The following REPS2 variants were observed in gnomAD, a reference collection of about 807,000 sequenced individuals.
REPS2 encodes the protein RALBP1 associated Eps domain containing 2.
A neutral mutation model predicts 53.6 loss-of-function variants in REPS2; 23 were observed. The ratio of observed to expected loss-of-function variants is 0.43; its 90% confidence interval spans 0.31 to 0.61. REPS2 has a LOEUF of 0.61. Among genes scored for constraint, REPS2 ranks in the 20% least tolerant of loss-of-function variants. The probability of loss-of-function intolerance (pLI) is 0.11; values close to 1 mark genes in which losing one functional copy is unlikely to be tolerated. For synonymous variants in REPS2, 238 were observed against 218.6 expected (o/e 1.09, Z -0.78); for missense variants, 446 against 534.9 (o/e 0.83, Z 1.64).
intron 12 of REPS2, 118 bp downstream of exon 12, chrX:17,074,277 G>T (rs1275149863): frequency 1.5e-6 from 1 of 660,402 alleles, no homozygotes; most frequent in Non-Finnish European, 2.4e-6. Flanking sequence ...TAAAGCTTAG[G>T]ATATGAGCCA....
intron 1 of REPS2, among the ~76,000 whole-genome samples, chrX:16,973,974 CTG>C (rs760222920): frequency 1.7e-3 from 190 of 111,254 alleles, no homozygotes; most frequent in Non-Finnish European, 2.9e-3. Flanking sequence ...CTTTCACTAA[CTG>C]GATTACAGCA....
intron 14 of REPS2, among the ~76,000 whole-genome samples, chrX:17,117,948 CTTTTTTTTTTTTTT>C (rs145872769): frequency 3.2e-4 from 10 of 31,007 alleles, no homozygotes; most frequent in East Asian, 1.8e-3. Flanking sequence ...TGTTTCCTGA[CTTTTTTTTTTTTTT>C]TTTTTTTTTT....
chrX:16,947,128 G>A lies in REPS2; in HGVS notation c.267G>A (p.Leu89=). ...FRASQLPAET[L]HQITELCGAK... is the part of the protein sequence containing the mutation. ...CATCGCAGCTGCCCGCCGAGACGCTGCACCAGGTGGGTCCCTCCGCCTCCT... is the reference window on the plus strand; with the variant it reads ...CATCGCAGCTGCCCGCCGAGACGCTACACCAGGTGGGTCCCTCCGCCTCCT... Residue 89 remains leucine, a synonymous_variant, in exon 1 of 18, where the codon CTG becomes CTA. Transcript: ENST00000357277. 4.6e-6 allele frequency: 5 copies of A among 1,085,469 alleles called. No individual in the cohort carries two copies. Among genetic ancestry groups the A allele is most frequent in the Non-Finnish European group, 6.0e-6 (5 of 838,045 alleles). The allele number at this position is 1,085,469 out of a possible 1,213,427, so 89.5% of individuals were successfully genotyped here.
intron 2 of REPS2, among the ~76,000 whole-genome samples, chrX:17,010,142 G>A (rs189738859): frequency 9.0e-6 from 1 of 111,713 alleles, no homozygotes; most frequent in East Asian, 2.8e-4. Flanking sequence ...CCAGCATATG[G>A]TAAAACTGGC....
At chrX:17,071,811 G>A (rs971141374) in intron 11 of REPS2, among the ~76,000 whole-genome samples, 1 of 111,858 alleles carries the variant, frequency 8.9e-6, no homozygotes, top group Admixed American at 9.4e-5. Flanking sequence ...GACATGCCTT[G>A]AGTGTTCTAG....
chrX:17,022,723 C>G (rs766834112), intron 3 of REPS2, among the ~76,000 whole-genome samples: 2 of 112,228 alleles, frequency 1.8e-5, no homozygotes, highest in South Asian at 7.4e-4. Flanking sequence ...CTTGGAAATT[C>G]GTAGTGCACA....
At chrX:17,165,354 T>C in the REPS2 span, among the ~76,000 whole-genome samples, 1 of 112,051 alleles carries the variant, frequency 8.9e-6, no homozygotes, top group Non-Finnish European at 1.9e-5. Flanking sequence ...GGGTGGCTTC[T>C]GGCTGCTTTG....
intron 8 of REPS2, among the ~76,000 whole-genome samples, chrX:17,061,306 G>A (rs1221081563): frequency 8.9e-6 from 1 of 112,007 alleles, no homozygotes; most frequent in Non-Finnish European, 1.9e-5. Flanking sequence ...AGGTAGGTAG[G>A]TAGATACAAA....
intron 5 of REPS2, among the ~76,000 whole-genome samples, chrX:17,033,402 A>G (rs1328974770): frequency 8.9e-6 from 1 of 111,812 alleles, no homozygotes; most frequent in Non-Finnish European, 1.9e-5. Flanking sequence ...ATGACCACAT[A>G]GCACCATCTG....
chrX:17,098,503 T>C (rs1386787814), intron 13 of REPS2, among the ~76,000 whole-genome samples: 1 of 112,228 alleles, frequency 8.9e-6, no homozygotes, highest in Admixed American at 9.5e-5. Flanking sequence ...TTTTACAATG[T>C]AGCTCTAGAT....
chrX:17,006,485 C>A, intron 2 of REPS2, 141 bp downstream of exon 2: 2 of 557,463 alleles, frequency 3.6e-6, no homozygotes, highest in Non-Finnish European at 5.3e-6. Flanking sequence ...GAAAACTTGG[C>A]AGGTAGGTAG....
intron 1 of REPS2, among the ~76,000 whole-genome samples, chrX:16,985,418 A>T (rs1191432105): frequency 8.9e-6 from 1 of 112,082 alleles, no homozygotes; most frequent in Non-Finnish European, 1.9e-5. Context: ...AACTGTGTTC[A>T]GTTGGTTGTG....
At chrX:16,973,014 TCTC>T (rs200873682) in intron 1 of REPS2, among the ~76,000 whole-genome samples, 1,280 of 111,843 alleles carry the variant, frequency 0.011, 14 homozygotes, top group Middle Eastern at 0.046. Context: ...AGTTATTATT[TCTC>T]CTTAGTCTCA....
At chrX:17,116,757 TTTTAAC>T (rs2063061725) in intron 14 of REPS2, among the ~76,000 whole-genome samples, 1 of 112,529 alleles carries the variant, frequency 8.9e-6, no homozygotes, top group African/African-American at 3.2e-5. Flanking sequence ...TATTCTCCAC[TTTTAAC>T]TTTGAGGATT....
chrX:16,982,876 A>G (rs1041409980), intron 1 of REPS2, among the ~76,000 whole-genome samples: 1 of 112,566 alleles, frequency 8.9e-6, no homozygotes, highest in Non-Finnish European at 1.9e-5. Flanking sequence ...ATGAGTATGG[A>G]AAAAGTGTCA....
intron 5 of REPS2, among the ~76,000 whole-genome samples, chrX:17,035,033 G>A (rs1880987969): frequency 9.1e-6 from 1 of 110,096 alleles, no homozygotes; most frequent in Non-Finnish European, 1.9e-5. Context: ...AGGTACTTAC[G>A]GCCAGAAGCA....
intron 1 of REPS2, among the ~76,000 whole-genome samples, chrX:16,992,695 A>G (rs1215267226): frequency 1.8e-5 from 2 of 111,866 alleles, no homozygotes; most frequent in South Asian, 3.7e-4. Flanking sequence ...TCTCAGTTCA[A>G]CAGTTGTCAA....
chrX:17,015,600 C>A, intron 2 of REPS2, among the ~76,000 whole-genome samples: 1 of 108,126 alleles, frequency 9.2e-6, no homozygotes, highest in Non-Finnish European at 1.9e-5. Context: ...TGTGATGTTC[C>A]CCTTCCTGTG....
At chrX:17,117,829 A>G (rs186563118) in intron 14 of REPS2, among the ~76,000 whole-genome samples, 16 of 110,462 alleles carry the variant, frequency 1.4e-4, no homozygotes, top group African/African-American at 5.3e-4. Flanking sequence ...TTCTAGTTCT[A>G]GATCCCTGAG....
Sources: allele counts gnomAD v4.1 joint callset (sites outside exome capture counted in the v4.1 genomes callset), GRCh38; gene constraint gnomAD v4.1.1; transcripts MANE v1.5; gene names NCBI Gene and HGNC (gene_info 2026-07-23, HGNC 2026-07-21).